RERE: variants seen among roughly 807,000 people sequenced by gnomAD.
The protein encoded by RERE is arginine-glutamic acid dipeptide repeats.
RERE carries 40 observed loss-of-function variants against 146.1 expected under a neutral mutation model. The ratio of observed to expected loss-of-function variants is 0.27; its 90% confidence interval spans 0.21 to 0.36. RERE has a LOEUF of 0.36. RERE is among the 10% of genes least tolerant of loss of function. The pLI is 1.00. For missense variants in RERE, 1,933 were observed against 2,138.7 expected (o/e 0.90, Z 1.90); for synonymous variants, 1,003 against 866.0 (o/e 1.16, Z -2.78).
At chr1:8,696,262 A>G (rs1395266040) in intron 1 of RERE, among the ~76,000 whole-genome samples, 1 of 152,202 alleles carries the variant, frequency 6.6e-6, no homozygotes, top group Non-Finnish European at 1.5e-5. Flanking sequence ...AGCGCTATAC[A>G]CAATACCAAA....
At chr1:8,544,619 G>A (rs1270093573) in intron 6 of RERE, among the ~76,000 whole-genome samples, 1 of 152,158 alleles carries the variant, frequency 6.6e-6, no homozygotes, top group Non-Finnish European at 1.5e-5. Context: ...GTGATTTTGG[G>A]TGGGAAGTTT....
At chr1:8,543,812 AG>A (rs56980859) in intron 6 of RERE, among the ~76,000 whole-genome samples, 2,755 of 152,332 alleles carry the variant, frequency 0.018, 102 homozygotes, top group African/African-American at 0.064. Context: ...CAAAAGCAAC[AG>A]GAATAGAAGC....
intron 1 of RERE, among the ~76,000 whole-genome samples, chr1:8,710,356 T>C (rs1029161352): frequency 6.6e-6 from 1 of 152,174 alleles, no homozygotes; most frequent in Non-Finnish European, 1.5e-5. Context: ...TAACATCAGA[T>C]TATAAAAAGA....
chr1:8,624,092 A>G (rs1646946640), intron 3 of RERE, among the ~76,000 whole-genome samples: 1 of 152,250 alleles, frequency 6.6e-6, no homozygotes, highest in African/African-American at 2.4e-5. Flanking sequence ...CTTCAGAAAT[A>G]TTGTTTACAA....
At chr1:8,718,584 G>T (rs545516901) in intron 1 of RERE, among the ~76,000 whole-genome samples, 4 of 152,284 alleles carry the variant, frequency 2.6e-5, no homozygotes, top group African/African-American at 9.6e-5. Flanking sequence ...TACCTATTTT[G>T]CTGGGTGATT....
chr1:8,561,188 G>A (rs1305252693), intron 4 of RERE, among the ~76,000 whole-genome samples: 2 of 152,114 alleles, frequency 1.3e-5, no homozygotes, highest in Admixed American at 1.3e-4. Flanking sequence ...ACTTTACAAT[G>A]GCAGTGAAGG....
Position 8,355,014 on chromosome 1 carries a change from A to C in RERE, c.*73T>G. 2 of 1,291,964 alleles carry C rather than the reference A, an allele frequency of 1.5e-6. No individual in the cohort carries two copies. Among genetic ancestry groups the C allele is most frequent in the South Asian group, 2.5e-5 (2 of 79,940 alleles). 80.0% of individuals were successfully genotyped at this position (1,291,964 alleles called of 1,614,324 possible). A position where few individuals can be genotyped will look rare whatever the true frequency, so the allele number is the denominator to read the frequency against. ...TATTCTTTTTGCTTTTGCAGCTCCT[A>C]TTTTATGTAAAAAGTCCTGTTTCTC... On this transcript the variant is annotated 3_prime_UTR_variant, in exon 23 of 23. Coordinates refer to ENST00000400908, the MANE Select transcript of RERE (RefSeq NM_001042681.2).
chr1:8,615,010 A>G (rs1646834633), intron 3 of RERE, among the ~76,000 whole-genome samples: 1 of 152,250 alleles, frequency 6.6e-6, no homozygotes, highest in African/African-American at 2.4e-5. Context: ...GCAACATGCT[A>G]TGCTTATAAT....
At chr1:8,596,533 G>GTC (rs1646557011) in intron 4 of RERE, among the ~76,000 whole-genome samples, 1 of 152,070 alleles carries the variant, frequency 6.6e-6, no homozygotes, top group East Asian at 1.9e-4. Context: ...TTAACTAAGG[G>GTC]TCTTGCTCTG....
intron 11 of RERE, among the ~76,000 whole-genome samples, chr1:8,448,184 T>C (rs1644346407): frequency 6.6e-6 from 1 of 152,116 alleles, no homozygotes; most frequent in Admixed American, 6.5e-5. Flanking sequence ...TAATAAATGT[T>C]TCTTCGATGA....
intron 1 of RERE, among the ~76,000 whole-genome samples, chr1:8,708,248 T>C (rs983177450): frequency 1.3e-5 from 2 of 152,192 alleles, no homozygotes; most frequent in Non-Finnish European, 2.9e-5. Flanking sequence ...GGCAGGTCTT[T>C]CCCATGCTGT....
rs768798979 is a variant in RERE at position 8,364,708 on chromosome 1, C to CCCCCG, written c.1540+33_1540+37dup. On this transcript the variant is annotated intron_variant, in intron 14 of 22. Transcript: ENST00000400908. The surrounding 1 kb of genome is among the most constrained non-coding windows in gnomAD (Gnocchi z 5.1). ...TGTTCAGAACATGGAAGTGCTTGTGCCCCCGCCCCGCCCCAGGAGCGTGAC... is the reference window on the plus strand; with the variant it reads ...TGTTCAGAACATGGAAGTGCTTGTGCCCCCGCCCCGCCCCGCCCCAGGAGCGTGAC... 158 of 1,487,046 alleles carry CCCCCG rather than the reference C, an allele frequency of 1.1e-4. No individual in the cohort carries two copies. Among genetic ancestry groups the CCCCCG allele is most frequent in the Non-Finnish European group, 1.4e-4 (152 of 1,065,196 alleles). The allele number at this position is 1,487,046 out of a possible 1,614,324, so 92.1% of individuals were successfully genotyped here.
intron 8 of RERE, among the ~76,000 whole-genome samples, chr1:8,498,953 A>C (rs1645091123): frequency 6.6e-6 from 1 of 152,156 alleles, no homozygotes; most frequent in South Asian, 2.1e-4. Context: ...CTGTACATAG[A>C]GTATACCTCA....
intron 20 of RERE, among the ~76,000 whole-genome samples, 165 bp downstream of exon 20, chr1:8,358,023 TGCGATACA>T (rs1422161251): frequency 1.3e-5 from 2 of 152,268 alleles, no homozygotes; most frequent in Non-Finnish European, 2.9e-5. Flanking sequence ...GAGGAGAGAC[TGCGATACA>T]GCAAAACCAT....
At chr1:8,788,922 G>T (rs1478421807) in intron 1 of RERE, among the ~76,000 whole-genome samples, 4 of 151,136 alleles carry the variant, frequency 2.6e-5, no homozygotes, top group African/African-American at 9.7e-5. Context: ...AGCACCCTGG[G>T]CACAGCCCTG....
intron 4 of RERE, among the ~76,000 whole-genome samples, chr1:8,567,426 T>C (rs898161261): frequency 2.6e-5 from 4 of 152,212 alleles, no homozygotes; most frequent in African/African-American, 9.6e-5. Flanking sequence ...ATGATGTAAC[T>C]ATGAATGTAC....
At chr1:8,813,441 T>C (rs1055477311) in intron 1 of RERE, among the ~76,000 whole-genome samples, 1 of 152,176 alleles carries the variant, frequency 6.6e-6, no homozygotes, top group Non-Finnish European at 1.5e-5. Flanking sequence ...TTTTAAGTAA[T>C]GAATGCTTAC....
intron 12 of RERE, among the ~76,000 whole-genome samples, chr1:8,400,219 C>CATAT (rs139951538): frequency 7.1e-6 from 1 of 140,572 alleles, no homozygotes. Flanking sequence ...ATTCCTGTGT[C>CATAT]ATATGTGTGT....
chr1:8,578,390 TCAAA>T (rs1646322924), intron 4 of RERE, among the ~76,000 whole-genome samples: 1 of 152,074 alleles, frequency 6.6e-6, no homozygotes, highest in Admixed American at 6.6e-5. Context: ...TGCCCAATAA[TCAAA>T]CAGTTACCTA....
Sources: allele counts gnomAD v4.1 joint callset (sites outside exome capture counted in the v4.1 genomes callset), GRCh38; gene constraint gnomAD v4.1.1; non-coding constraint Gnocchi (gnomAD v3.1); transcripts MANE v1.5; gene names NCBI Gene and HGNC (gene_info 2026-07-23, HGNC 2026-07-21).